The following POR variants were observed in gnomAD, a reference collection of about 807,000 sequenced individuals.
The protein encoded by POR is NADPH--cytochrome P450 reductase.
POR carries 56 observed loss-of-function variants against 84.0 expected under a neutral mutation model. The observed-to-expected ratio is 0.67, with a 90% CI of 0.54 to 0.83. POR has a LOEUF of 0.83. Ranked by LOEUF, POR falls within the 40% of genes least tolerant of loss-of-function variation. The probability of loss-of-function intolerance (pLI) is 0.00; values close to 1 mark genes in which losing one functional copy is unlikely to be tolerated. For synonymous variants in POR, 414 were observed against 400.5 expected (o/e 1.03, Z -0.40); for missense variants, 938 against 944.3 (o/e 0.99, Z 0.09).
Position 75,985,680 on chromosome 7 carries a change from G to A in POR, c.1500G>A (p.Lys500=), listed in dbSNP as rs782065956. 1 of 1,593,928 alleles carries A rather than the reference G, an allele frequency of 6.3e-7. No homozygotes were observed. Among genetic ancestry groups the A allele is most frequent in the East Asian group, 2.3e-5 (1 of 43,956 alleles). The change falls in exon 13 of 16, where the codon AAG becomes AAA. Residue 500 remains lysine, a synonymous_variant. Transcript: ENST00000461988. ...TGGCCACCAACTGGCTGCGGGCCAA[G>A]GAGCCTGCCGGGGAGAACGGCGGCC...
intron 3 of POR, among the ~76,000 whole-genome samples, chr7:75,973,082 C>A (rs1411793110): frequency 6.6e-6 from 1 of 152,190 alleles, no homozygotes; most frequent in African/African-American, 2.4e-5. Flanking sequence ...CTCAGCCTCC[C>A]AAAGTGCTGG....
At position 75,980,798 on chromosome 7, in the gene POR, G is replaced by A. The variant is rs538505637; in HGVS notation, c.517-250G>A. On this transcript the variant is annotated intron_variant, in intron 5 of 15. Coordinates refer to ENST00000461988, the MANE Select transcript of POR (RefSeq NM_000941.3). Reference sequence around the variant, plus strand: ...GGAGCCCCAGCCCGGTGGGGAGGGTGGGCTGGCCCCGCTTCCCTGTGGGTT... The same window carrying A: ...GGAGCCCCAGCCCGGTGGGGAGGGTAGGCTGGCCCCGCTTCCCTGTGGGTT... 5.4e-4 allele frequency: 716 copies of A among 1,331,190 alleles called. 3 individuals carry two copies. In the Middle Eastern group the frequency reaches 0.012, roughly 22 times the overall value. 82.5% of individuals were successfully genotyped at this position (1,331,190 alleles called of 1,614,324 possible). A position where few individuals can be genotyped will look rare whatever the true frequency, so the allele number is the denominator to read the frequency against.
intron 2 of POR, among the ~76,000 whole-genome samples, chr7:75,957,916 A>G (rs189639536): frequency 1.3e-5 from 2 of 152,304 alleles, no homozygotes; most frequent in Non-Finnish European, 2.9e-5. Flanking sequence ...TGGGTGCTCA[A>G]GGTTGAGTAC....
At chr7:75,984,608 CTT>C (rs1236234261) in intron 10 of POR, among the ~76,000 whole-genome samples, 167 bp from the exon 11 acceptor site, 1 of 152,186 alleles carries the variant, frequency 6.6e-6, no homozygotes, top group Non-Finnish European at 1.5e-5. Context: ...AGGCCCCAGA[CTT>C]GGCCCCAGGG....
chr7:75,917,437 G>A (rs573792693), intron 1 of POR, among the ~76,000 whole-genome samples: 39 of 136,864 alleles, frequency 2.8e-4, no homozygotes, highest in Middle Eastern at 3.8e-3. Flanking sequence ...GACCTTTCAT[G>A]GTTCCAGAGA....
rs1554557602 is a variant in POR, at chr7:75,980,556, A to G, written c.516+68A>G. 9.3e-6 allele frequency: 15 copies of G among 1,612,054 alleles called. No individual in the cohort carries two copies. In the East Asian group the frequency reaches 1.6e-4, roughly 17 times the overall value. On this transcript the variant is annotated intron_variant, in intron 5 of 15. Transcript: ENST00000461988. ...GTGCCTCCCTGGGGACTCCAGATCC[A>G]TGTATCTGAAAGGCAGCCCTCCAGA... is the stretch of plus-strand genomic sequence containing the variant.
intron 2 of POR, among the ~76,000 whole-genome samples, chr7:75,959,959 G>A (rs1316561463): frequency 6.6e-6 from 1 of 152,024 alleles, no homozygotes; most frequent in Admixed American, 6.6e-5. Context: ...TGAGCAACAA[G>A]TTCTTTTTCA....
chr7:75,980,317 G>T lies in POR; in HGVS notation c.367-22G>T, dbSNP rs782607811. 11 of 1,607,080 alleles carry T rather than the reference G, an allele frequency of 6.8e-6. No homozygotes were observed. The South Asian group carries it at 1.1e-4, about 16-fold the overall frequency. ...ACAGGCTCAGTCATGGCCGGGGCGCGGTCCTGTCCCTGTTTCTGCAGGCCG... is the reference window on the plus strand; with the variant it reads ...ACAGGCTCAGTCATGGCCGGGGCGCTGTCCTGTCCCTGTTTCTGCAGGCCG... On this transcript the variant is annotated intron_variant, in intron 4 of 15. Transcript: ENST00000461988.
At chr7:75,950,782 G>A (rs1440501263) in intron 1 of POR, among the ~76,000 whole-genome samples, 1 of 152,206 alleles carries the variant, frequency 6.6e-6, no homozygotes, top group Non-Finnish European at 1.5e-5. Context: ...AAAAAAGCTG[G>A]CCAGGTGCAG....
chr7:75,935,578 T>C (rs1807628766), intron 1 of POR, among the ~76,000 whole-genome samples: 1 of 151,354 alleles, frequency 6.6e-6, no homozygotes, highest in Non-Finnish European at 1.5e-5. Context: ...AGAGGGTTGG[T>C]ACTTCTCCCT....
At chr7:75,920,640 T>C (rs577372489) in intron 1 of POR, among the ~76,000 whole-genome samples, 2 of 152,092 alleles carry the variant, frequency 1.3e-5, no homozygotes, top group Non-Finnish European at 2.9e-5. Context: ...GTGATGCCGG[T>C]GTTCTTAGAG....
At chr7:75,947,770 G>C (rs1170033142) in intron 1 of POR, among the ~76,000 whole-genome samples, 1 of 152,134 alleles carries the variant, frequency 6.6e-6, no homozygotes, top group Non-Finnish European at 1.5e-5. Context: ...GAGGTCTGAA[G>C]AATGAGTACG....
intron 1 of POR, among the ~76,000 whole-genome samples, chr7:75,941,772 G>GT (rs1786929026): frequency 6.6e-6 from 1 of 152,164 alleles, no homozygotes; most frequent in Admixed American, 6.6e-5. Flanking sequence ...GAGCCCAGGT[G>GT]TTTGAGACCA....
chr7:75,936,823 A>ATTTT (rs71519400), intron 1 of POR, among the ~76,000 whole-genome samples: 1 of 123,574 alleles, frequency 8.1e-6, no homozygotes, highest in Non-Finnish European at 1.6e-5. Flanking sequence ...ATTATTATTA[A>ATTTT]TTTTTTTTTT....
At chr7:75,983,404 T>C (rs564652244) in intron 8 of POR, 116 bp from the exon 9 acceptor site, 1 of 723,114 alleles carries the variant, frequency 1.4e-6, no homozygotes, top group South Asian at 1.7e-5. Flanking sequence ...CCGGTGAGAT[T>C]TCCTCATGGA....
At chr7:75,967,029 G>A (rs782567687) in intron 2 of POR, among the ~76,000 whole-genome samples, 23 of 152,068 alleles carry the variant, frequency 1.5e-4, no homozygotes, top group African/African-American at 2.4e-5. Flanking sequence ...GAGTGCAGTG[G>A]CACAATCTTG....
At chr7:75,941,523 C>T (rs1258441202) in intron 1 of POR, among the ~76,000 whole-genome samples, 9 of 152,092 alleles carry the variant, frequency 5.9e-5, no homozygotes, top group African/African-American at 1.9e-4. Flanking sequence ...TACAGAGCTC[C>T]GGTAACTAGG....
At chr7:75,982,106 G>GT in intron 7 of POR, 118 bp from the exon 8 acceptor site, 1 of 734,340 alleles carries the variant, frequency 1.4e-6, no homozygotes, top group East Asian at 2.7e-5. Flanking sequence ...GCTTCTTGTC[G>GT]TATGTACCTG....
chr7:75,945,999 GC>G (rs1443037531), intron 1 of POR, among the ~76,000 whole-genome samples: 2 of 152,064 alleles, frequency 1.3e-5, no homozygotes, highest in Admixed American at 6.6e-5. Flanking sequence ...TCCTGCCAGT[GC>G]CCCCCAGCCT....
Sources: gnomAD v4.1 joint callset for allele counts (sites outside exome capture counted in the v4.1 genomes callset) on GRCh38, gnomAD v4.1.1 for gene constraint, MANE v1.5 for transcripts, NCBI Gene and HGNC (gene_info 2026-07-23, HGNC 2026-07-21) for gene names.